Variants in VPS13B observed in about 807,000 individuals in gnomAD.
The protein encoded by VPS13B is vacuolar protein sorting 13 homolog B.
A neutral mutation model predicts 426.4 loss-of-function variants in VPS13B; 285 were observed. The ratio of observed to expected loss-of-function variants is 0.67; its 90% CI spans 0.61 to 0.74. The LOEUF is 0.74. Among genes scored for constraint, VPS13B ranks in the 30% least tolerant of loss-of-function variants. The pLI, the probability that VPS13B is intolerant of heterozygous loss-of-function variation, is 0.00. For missense variants in VPS13B, 4,537 were observed against 4,782.6 expected, an observed-to-expected ratio of 0.95 and a Z score of 1.51; for synonymous variants, 1,676 against 1,676.4, an observed-to-expected ratio of 1.00 and a Z score of 0.01.
At chr8:99,836,976 G>A (rs1195595069) in intron 54 of VPS13B, among the ~76,000 whole-genome samples, 2 of 152,212 alleles carry the variant, frequency 1.3e-5, no homozygotes, top group African/African-American at 4.8e-5. Context: ...TTGCCAGACT[G>A]CAAAGCCGGT....
At chr8:99,575,975 A>G (rs1825756658) in intron 32 of VPS13B, among the ~76,000 whole-genome samples, 191 bp downstream of exon 32, 1 of 152,156 alleles carries the variant, frequency 6.6e-6, no homozygotes, top group Non-Finnish European at 1.5e-5. Flanking sequence ...GTAATAACTC[A>G]TTTAGTCCTC....
chr8:99,126,117 G>T (rs1703691841), intron 8 of VPS13B, among the ~76,000 whole-genome samples: 2 of 152,164 alleles, frequency 1.3e-5, no homozygotes, highest in Admixed American at 6.5e-5. Flanking sequence ...GGGACAATAG[G>T]TCATTAATTC....
At chr8:99,733,516 G>A (rs998116878) in intron 39 of VPS13B, among the ~76,000 whole-genome samples, 1 of 152,226 alleles carries the variant, frequency 6.6e-6, no homozygotes, top group African/African-American at 2.4e-5. Context: ...AGCACATAGT[G>A]CTGAATAAAT....
chr8:99,768,095 C>T (rs75619331), intron 40 of VPS13B, among the ~76,000 whole-genome samples: 5,670 of 152,248 alleles, frequency 0.037, 116 homozygotes, highest in East Asian at 0.046. Flanking sequence ...CCATAAAAGA[C>T]GATAAACAAA....
chr8:99,537,891 A>G (rs1025178023), intron 30 of VPS13B, among the ~76,000 whole-genome samples: 5 of 152,160 alleles, frequency 3.3e-5, no homozygotes, highest in Admixed American at 6.5e-5. Context: ...TAGCAGCATT[A>G]TCATAATTAA....
At chr8:99,421,882 A>G (rs1045862885) in intron 21 of VPS13B, among the ~76,000 whole-genome samples, 2 of 152,040 alleles carry the variant, frequency 1.3e-5, no homozygotes, top group African/African-American at 2.4e-5. Flanking sequence ...AGGTTTTACC[A>G]TGTTGTCCAG....
At chr8:99,813,613 T>C (rs149714465) in intron 44 of VPS13B, among the ~76,000 whole-genome samples, 20 of 152,330 alleles carry the variant, frequency 1.3e-4, no homozygotes, top group African/African-American at 4.8e-4. Flanking sequence ...GGTTTGTTAT[T>C]GTGAAAGCAT....
intron 43 of VPS13B, among the ~76,000 whole-genome samples, chr8:99,806,285 A>C (rs1321437153): frequency 2.0e-5 from 3 of 152,136 alleles, no homozygotes; most frequent in African/African-American, 7.2e-5. Context: ...GAGATGGTTA[A>C]CCTTGTCCCG....
intron 3 of VPS13B, among the ~76,000 whole-genome samples, chr8:99,084,374 A>G (rs1845652971): frequency 2.0e-5 from 3 of 152,014 alleles, no homozygotes; most frequent in African/African-American, 4.8e-5. Flanking sequence ...CTAGCAGTCT[A>G]TCAATTTTGT....
At chr8:99,387,501 G>A (rs1375411151) in intron 20 of VPS13B, among the ~76,000 whole-genome samples, 2 of 152,096 alleles carry the variant, frequency 1.3e-5, no homozygotes, top group African/African-American at 4.8e-5. Context: ...GAGATTACAG[G>A]CATGAACCCC....
rs533236164 is a variant in VPS13B, at chr8:99,086,896, C to T, written c.292-9416C>T. 3.9e-5 allele frequency among the ~76,000 whole-genome samples: 6 copies of T among 152,304 alleles called. No individual in the cohort carries two copies. In the East Asian group the frequency reaches 7.7e-4, roughly 20 times the overall value. ...GGGGGTGCCTCCCAGTTAGGCTACT[C>T]GGGGGTCAGGGATCCACTTGAGGAG... On this transcript the variant is annotated intron_variant, in intron 3 of 61. Transcript: ENST00000357162.
At chr8:99,128,216 G>A (rs1163073053) in intron 8 of VPS13B, among the ~76,000 whole-genome samples, 11 of 151,092 alleles carry the variant, frequency 7.3e-5, no homozygotes. Flanking sequence ...TGGAAACCCC[G>A]TCTTTACTAA....
At chr8:99,607,354 A>C (rs990178992) in intron 33 of VPS13B, among the ~76,000 whole-genome samples, 3 of 152,194 alleles carry the variant, frequency 2.0e-5, no homozygotes, top group Non-Finnish European at 4.4e-5. Flanking sequence ...TATCTTATGC[A>C]TCTAAGATAC....
Position 99,868,762 on chromosome 8 carries a change from G to C in VPS13B, c.11392+297G>C, listed in dbSNP as rs141727921. The stretch of plus-strand genomic sequence containing the variant: ...AGGGCAGAATGGAGAATACAGCAGA[G>C]AAAAGAATTAAGACTTTTTCCTATG... On this transcript the variant is annotated intron_variant, in intron 59 of 61. Transcript: ENST00000357162. Among the ~76,000 whole-genome samples the C allele has an allele frequency of 5.9e-3, 902 of 152,324 alleles. 3 individuals are homozygous for C. Among genetic ancestry groups the C allele is most frequent in the Non-Finnish European group, 8.6e-3 (582 of 68,016 alleles).
chr8:99,801,839 G>C (rs1215953092), intron 43 of VPS13B, among the ~76,000 whole-genome samples: 1 of 152,116 alleles, frequency 6.6e-6, no homozygotes, highest in African/African-American at 2.4e-5. Context: ...TTTAATAGCT[G>C]TAAATCCTTA....
At chr8:99,434,489 A>G (rs906317004) in intron 22 of VPS13B, among the ~76,000 whole-genome samples, 3 of 152,206 alleles carry the variant, frequency 2.0e-5, no homozygotes, top group Admixed American at 1.3e-4. Context: ...GTGATTTCTT[A>G]TATAGCATAG....
intron 54 of VPS13B, among the ~76,000 whole-genome samples, chr8:99,848,519 A>G (rs1816098489): frequency 6.6e-6 from 1 of 152,188 alleles, no homozygotes; most frequent in Admixed American, 6.5e-5. Context: ...AGAAGCAGAG[A>G]ATGAAGATAC....
At position 99,853,862 on chromosome 8, in the gene VPS13B, C is replaced by G. The variant is rs1302374134; in HGVS notation, c.10473C>G (p.Leu3491=). The G allele has an allele frequency of 1.1e-5, 17 of 1,614,134 alleles. No individual in the cohort carries two copies. Among genetic ancestry groups the G allele is most frequent in the Non-Finnish European group, 1.2e-5 (14 of 1,180,068 alleles). Residue 3491 remains leucine (L), a synonymous_variant, in exon 56 of 62, where the codon CTC becomes CTG. Coordinates refer to ENST00000357162, the MANE Select transcript of VPS13B (RefSeq NM_152564.5). ...CCTTAAATGAAGGCAAGAGCATCCT[C>G]TGTGATATTAATGAGTTCAGCTTTG... The part of the protein sequence containing the change: ...CITLNEGKSI[L]CDINEFSFEL...
At chr8:99,023,941 A>G (rs529732884) in intron 2 of VPS13B, among the ~76,000 whole-genome samples, 1 of 152,318 alleles carries the variant, frequency 6.6e-6, no homozygotes, top group South Asian at 2.1e-4. Context: ...TTGCTGGATT[A>G]TATCTAGTTC....
Sources: allele counts gnomAD v4.1 joint callset (sites outside exome capture counted in the v4.1 genomes callset), GRCh38; gene constraint gnomAD v4.1.1; transcripts MANE v1.5; gene names NCBI Gene and HGNC (gene_info 2026-07-23, HGNC 2026-07-21).